Variants in F13A1 observed in about 807,000 individuals in gnomAD.
The protein encoded by F13A1 is coagulation factor XIII A chain.
Under a neutral mutation model 80.1 loss-of-function variants are expected in F13A1, and 47 were observed. That is an observed-to-expected ratio of 0.59 (90% confidence interval 0.46 to 0.75). The LOEUF is 0.75. Among genes scored for constraint, F13A1 ranks in the 30% least tolerant of loss-of-function variants. The pLI is 0.00. For synonymous variants in F13A1, 349 were observed against 344.9 expected (o/e 1.01, Z -0.13); for missense variants, 817 against 930.4 (o/e 0.88, Z 1.59).
chr6:6,254,541 T>C (rs1364401910), intron 4 of F13A1, among the ~76,000 whole-genome samples: 1 of 152,158 alleles, frequency 6.6e-6, no homozygotes, highest in Non-Finnish European at 1.5e-5. Context: ...ATCTCTTTTG[T>C]GGTTTTAAAA....
At chr6:6,313,420 A>T (rs1029695957) in intron 2 of F13A1, among the ~76,000 whole-genome samples, 2 of 11,722 alleles carry the variant, frequency 1.7e-4, no homozygotes, top group African/African-American at 1.9e-3. Flanking sequence ...TAAAGAAAAG[A>T]AAAAAATCTC....
chr6:6,216,586 C>T (rs1294310266), intron 8 of F13A1, among the ~76,000 whole-genome samples: 2 of 149,674 alleles, frequency 1.3e-5, no homozygotes, highest in Non-Finnish European at 2.9e-5. Context: ...AGAAGAAAAC[C>T]TAGGCAATAC....
intron 13 of F13A1, among the ~76,000 whole-genome samples, chr6:6,161,071 A>G (rs1450947112): frequency 6.6e-6 from 1 of 152,196 alleles, no homozygotes; most frequent in Admixed American, 6.5e-5. Context: ...GAGCTGCTTT[A>G]GAATGGCAGG....
At chr6:6,184,707 G>C (rs1761047707) in intron 10 of F13A1, among the ~76,000 whole-genome samples, 1 of 152,142 alleles carries the variant, frequency 6.6e-6, no homozygotes, top group African/African-American at 2.4e-5. Context: ...TGGTTTTCCA[G>C]GGAAACAAGC....
At chr6:6,240,014 TG>T (rs1189182930) in intron 6 of F13A1, among the ~76,000 whole-genome samples, 2 of 152,158 alleles carry the variant, frequency 1.3e-5, no homozygotes, top group African/African-American at 4.8e-5. Flanking sequence ...ATCCTGGGGA[TG>T]CTGGCCCCAG....
At chr6:6,313,197 G>C (rs1447334593) in intron 2 of F13A1, among the ~76,000 whole-genome samples, 1 of 151,256 alleles carries the variant, frequency 6.6e-6, no homozygotes, top group Non-Finnish European at 1.5e-5. Flanking sequence ...TCCAGACTCC[G>C]TTTGCCACAA....
rs1757846894 is a variant in F13A1 at position 6,266,541 on chromosome 6, A to G, written c.571+17T>C. ...AGGTGAATTTTTAAATGAGAAAACTAAATGTCTGCCTCTTACCTTCACACC... is the reference window on the plus strand; with the variant it reads ...AGGTGAATTTTTAAATGAGAAAACTGAATGTCTGCCTCTTACCTTCACACC... On this transcript the variant is annotated intron_variant, in intron 4 of 14. Coordinates refer to ENST00000264870, the MANE Select transcript of F13A1 (RefSeq NM_000129.4). The G allele has an allele frequency of 6.2e-7, 1 of 1,614,206 alleles. No homozygotes were observed. The highest frequency in any genetic ancestry group is 1.1e-5 in the South Asian group (1 of 91,086).
intron 8 of F13A1, 56 bp downstream of exon 8, chr6:6,221,977 A>G (rs1204114082): frequency 1.9e-6 from 3 of 1,588,188 alleles, no homozygotes; most frequent in South Asian, 2.2e-5. Context: ...CTTGTGGTAA[A>G]TGTGTAACAT....
At chr6:6,154,637 T>A (rs1273664805) in intron 13 of F13A1, among the ~76,000 whole-genome samples, 2 of 152,252 alleles carry the variant, frequency 1.3e-5, no homozygotes, top group African/African-American at 2.4e-5. Context: ...GAAGACAGAC[T>A]GAATTTTTCA....
chr6:6,306,181 A>G lies in F13A1; in HGVS notation c.131-642T>C, dbSNP rs143184915. 8.1e-3 allele frequency among the ~76,000 whole-genome samples: 1,230 copies of G among 152,262 alleles called. 7 individuals are homozygous for G. The highest frequency in any genetic ancestry group is 0.013 in the Non-Finnish European group (857 of 68,006). On this transcript the variant is annotated intron_variant, in intron 2 of 14. Transcript: ENST00000264870. ...CTAAGATTTCCATGAGATAAGTGTG[A>G]TTGTTTTCAGTGACACAGAAACTAT... is the stretch of plus-strand genomic sequence containing the variant.
At chr6:6,196,085 T>C (rs1339382678) in intron 9 of F13A1, among the ~76,000 whole-genome samples, 200 bp from the exon 10 acceptor site, 2 of 152,188 alleles carry the variant, frequency 1.3e-5, no homozygotes, top group African/African-American at 4.8e-5. Flanking sequence ...GCCATGGAAA[T>C]AAATACAAGG....
At chr6:6,185,655 T>G (rs1198990695) in intron 10 of F13A1, among the ~76,000 whole-genome samples, 1 of 151,932 alleles carries the variant, frequency 6.6e-6, no homozygotes, top group Non-Finnish European at 1.5e-5. Flanking sequence ...AAGTCTTTGC[T>G]ATTGTGAATA....
intron 3 of F13A1, among the ~76,000 whole-genome samples, chr6:6,274,124 T>A (rs9392764): frequency 0.59 from 90,332 of 151,974 alleles, 27,634 homozygotes; most frequent in African/African-American, 0.76. Context: ...CAAACTTAGG[T>A]AGGGTTGGGG....
Position 6,206,054 on chromosome 6 carries a change from G to A in F13A1, c.1113-8728C>T, listed in dbSNP as rs1347546419. Reference sequence around the variant, plus strand: ...ATTTTGAGAGCATTTGTTTGTAAAAGTCTAATGTATAAAAAAGTTTATATA... The same window carrying A: ...ATTTTGAGAGCATTTGTTTGTAAAAATCTAATGTATAAAAAAGTTTATATA... On this transcript the variant is annotated intron_variant, in intron 8 of 14. Transcript: ENST00000264870. 4.6e-5 allele frequency among the ~76,000 whole-genome samples: 7 copies of A among 152,240 alleles called. No individual in the cohort carries two copies. The South Asian group carries it at 1.2e-3, about 27-fold the overall frequency.
At position 6,290,234 on chromosome 6, in the gene F13A1, G is replaced by C. The variant is rs186300851; in HGVS notation, c.319+15117C>G. ...TTATTTTTGAAAAGTTACTAAATAT[G>C]AATGCCAAATTAATAGTTATTTCAA... On this transcript the variant is annotated intron_variant, in intron 3 of 14. Coordinates refer to ENST00000264870, the MANE Select transcript of F13A1 (RefSeq NM_000129.4). Among the ~76,000 whole-genome samples the C allele has an allele frequency of 2.8e-4, 42 of 152,252 alleles. 1 individual carries two copies. The highest frequency in any genetic ancestry group is 1.5e-5 in the Non-Finnish European group (1 of 68,022).
intron 6 of F13A1, among the ~76,000 whole-genome samples, chr6:6,236,818 C>T (rs1757419656): frequency 6.6e-6 from 1 of 152,068 alleles, no homozygotes; most frequent in South Asian, 2.1e-4. Context: ...TGTTGGGTAA[C>T]ACGAACTAAC....
Position 6,144,179 on chromosome 6 carries a change from T to C in F13A1, c.*1440A>G, listed in dbSNP as rs183287566. The C allele has an allele frequency of 6.6e-6, 1 of 152,338 alleles. No individual in the cohort carries two copies. The highest frequency in any genetic ancestry group is 6.5e-5 in the Admixed American group (1 of 15,304). 9.4% of individuals were successfully genotyped at this position (152,338 alleles called of 1,614,324 possible). ...GTTTAACTGTCTAGCAAAATGCATT[T>C]CATTTTAAAATTGGATATTGGGAGA... is the stretch of plus-strand genomic sequence containing the variant. On this transcript the variant is annotated 3_prime_UTR_variant, in exon 15 of 15. Transcript: ENST00000264870.
At chr6:6,230,386 G>A (rs1757333949) in intron 6 of F13A1, among the ~76,000 whole-genome samples, 1 of 152,010 alleles carries the variant, frequency 6.6e-6, no homozygotes, top group South Asian at 2.1e-4. Flanking sequence ...TAGGTACACA[G>A]CTCCAGTGAC....
intron 2 of F13A1, 155 bp from the exon 3 acceptor site, chr6:6,305,694 G>A (rs769168459): frequency 9.2e-5 from 64 of 692,550 alleles, no homozygotes; most frequent in South Asian, 2.9e-4. Flanking sequence ...ACACAGTCTC[G>A]AGAGTCAGCC....
Sources: allele counts gnomAD v4.1 joint callset (sites outside exome capture counted in the v4.1 genomes callset), GRCh38; gene constraint gnomAD v4.1.1; transcripts MANE v1.5; gene names NCBI Gene and HGNC (gene_info 2026-07-23, HGNC 2026-07-21).